FAM184B: variants seen among roughly 807,000 people sequenced by gnomAD.
The protein encoded by FAM184B is protein FAM184B.
Under a neutral mutation model 135.9 loss-of-function variants are expected in FAM184B, and 111 were observed. The observed-to-expected ratio is 0.82, with a 90% CI of 0.70 to 0.96. The LOEUF (loss-of-function observed/expected upper bound fraction) is 0.96. Ranked by LOEUF, FAM184B falls within the 40% of genes least tolerant of loss-of-function variation. The pLI is 0.00. For missense variants in FAM184B, 1,375 were observed against 1,323.9 expected (o/e 1.04, Z -0.60); for synonymous variants, 552 against 524.8 (o/e 1.05, Z -0.71).
At chr4:17,718,167 C>T (rs1040391319) in intron 1 of FAM184B, among the ~76,000 whole-genome samples, 2 of 152,098 alleles carry the variant, frequency 1.3e-5, no homozygotes, top group Non-Finnish European at 2.9e-5. Flanking sequence ...ACCAAAAACC[C>T]TTCACAGCAC....
intron 1 of FAM184B, among the ~76,000 whole-genome samples, chr4:17,730,099 C>T (rs1224903161): frequency 2.6e-5 from 4 of 152,014 alleles, no homozygotes; most frequent in Non-Finnish European, 5.9e-5. Flanking sequence ...AGCCAAGGCT[C>T]GAGAATTACT....
chr4:17,747,920 C>CAAAA (rs71167333), intron 1 of FAM184B, among the ~76,000 whole-genome samples: 380 of 21,696 alleles, frequency 0.018, 53 homozygotes, highest in African/African-American at 0.024. Flanking sequence ...GACTCTGTCT[C>CAAAA]AAAAAAAAAA....
intron 2 of FAM184B, 98 bp downstream of exon 2, chr4:17,708,794 G>T: frequency 7.5e-7 from 1 of 1,331,034 alleles, no homozygotes; most frequent in Non-Finnish European, 9.9e-7. Context: ...CTCCGTAGAA[G>T]GCAAGTGCTT....
intron 1 of FAM184B, among the ~76,000 whole-genome samples, chr4:17,770,044 A>G (rs990920637): frequency 6.6e-6 from 1 of 152,222 alleles, no homozygotes; most frequent in Non-Finnish European, 1.5e-5. Flanking sequence ...CAAGCTTGGC[A>G]CAGGAGAAGA....
chr4:17,730,735 T>G (rs969293061), intron 1 of FAM184B, among the ~76,000 whole-genome samples: 20 of 152,108 alleles, frequency 1.3e-4, no homozygotes, highest in Admixed American at 8.5e-4. Context: ...AAGCTGGATG[T>G]GGAATGACTT....
chr4:17,746,687 G>T (rs1385889990), intron 1 of FAM184B, among the ~76,000 whole-genome samples: 1 of 148,698 alleles, frequency 6.7e-6, no homozygotes, highest in African/African-American at 2.5e-5. Flanking sequence ...AGCTGAGATC[G>T]TGCCACTGCA....
intron 1 of FAM184B, among the ~76,000 whole-genome samples, chr4:17,766,469 G>A (rs1694913156): frequency 1.3e-5 from 2 of 151,954 alleles, no homozygotes; most frequent in African/African-American, 4.8e-5. Flanking sequence ...AGTGCTGATT[G>A]GTGCATTTAC....
chr4:17,727,530 T>C (rs1472496063), intron 1 of FAM184B, among the ~76,000 whole-genome samples: 1 of 152,156 alleles, frequency 6.6e-6, no homozygotes, highest in East Asian at 1.9e-4. Flanking sequence ...TGGGGAGGCC[T>C]CAGGAAACTT....
rs909809291 is a variant in FAM184B at position 17,688,402 on chromosome 4, A to G, written c.1596+22T>C. On this transcript the variant is annotated intron_variant, in intron 7 of 17. Coordinates refer to ENST00000265018, the MANE Select transcript of FAM184B (RefSeq NM_015688.2). ...CGAGAAAAGAAATATCTTTAATTAAATCTGACAAAGCTGGAGGTTACCTGG... is the reference window on the plus strand; with the variant it reads ...CGAGAAAAGAAATATCTTTAATTAAGTCTGACAAAGCTGGAGGTTACCTGG... 5 of 1,517,000 alleles carry G rather than the reference A, an allele frequency of 3.3e-6. No individual in the cohort carries two copies. The African/African-American group carries it at 7.0e-5, about 21-fold the overall frequency. 94.0% of individuals were successfully genotyped at this position (1,517,000 alleles called of 1,614,324 possible).
In FAM184B at chr4:17,688,680, C is replaced by CTTTTTTT. The variant is rs34337003; in HGVS notation, c.1489-156_1489-150dup. ...ATTCTACACACACTTCTAGAAATGC[C>CTTTTTTT]TTTTTTTTTTTTTTTTTTTTTTTTT... On this transcript the variant is annotated intron_variant, in intron 6 of 17. Coordinates refer to ENST00000265018, the MANE Select transcript of FAM184B (RefSeq NM_015688.2). 30 of 117,944 alleles carry CTTTTTTT rather than the reference C, an allele frequency of 2.5e-4. 1 individual carries two copies. Among genetic ancestry groups the CTTTTTTT allele is most frequent in the South Asian group, 1.2e-3 (8 of 6,756 alleles). 7.3% of individuals were successfully genotyped at this position (117,944 alleles called of 1,614,324 possible). A position where few individuals can be genotyped will look rare whatever the true frequency, so the allele number is the denominator to read the frequency against.
intron 7 of FAM184B, among the ~76,000 whole-genome samples, chr4:17,668,054 G>A (rs553492040): frequency 2.6e-5 from 4 of 152,318 alleles, no homozygotes; most frequent in South Asian, 2.1e-4. Flanking sequence ...GTCTAGCTCC[G>A]TGATGAAGGA....
At chr4:17,638,481 C>A (rs1715214509) in intron 14 of FAM184B, among the ~76,000 whole-genome samples, 1 of 152,006 alleles carries the variant, frequency 6.6e-6, no homozygotes, top group South Asian at 2.1e-4. Context: ...GGATTACAGG[C>A]ATGAGCCACC....
At chr4:17,647,360 C>T (rs755475990) in intron 12 of FAM184B, among the ~76,000 whole-genome samples, 78 of 151,574 alleles carry the variant, frequency 5.1e-4, no homozygotes, top group Non-Finnish European at 9.1e-4. Context: ...AAGTGATCCT[C>T]CTGCCTCAGA....
chr4:17,760,323 C>A (rs1458780216), intron 1 of FAM184B, among the ~76,000 whole-genome samples: 1 of 151,840 alleles, frequency 6.6e-6, no homozygotes, highest in Non-Finnish European at 1.5e-5. Context: ...AATTAGCTGG[C>A]ATTGGTGGCG....
intron 3 of FAM184B, among the ~76,000 whole-genome samples, chr4:17,707,177 C>T (rs774360972): frequency 6.6e-6 from 1 of 152,072 alleles, no homozygotes; most frequent in African/African-American, 2.4e-5. Context: ...GCTGAAGTAG[C>T]CCTCCCTCCT....
chr4:17,755,722 G>A (rs1577290935), intron 1 of FAM184B, among the ~76,000 whole-genome samples: 1 of 152,182 alleles, frequency 6.6e-6, no homozygotes, highest in African/African-American at 2.4e-5. Flanking sequence ...AAAATACTAT[G>A]CAGCCATAAA....
chr4:17,649,646 A>C (rs1400324379), intron 11 of FAM184B, among the ~76,000 whole-genome samples: 1 of 150,560 alleles, frequency 6.6e-6, no homozygotes, highest in African/African-American at 2.5e-5. Flanking sequence ...AGTGATTTCT[A>C]TAGCTTATTT....
chr4:17,705,958 G>C, intron 3 of FAM184B, 67 bp from the exon 4 acceptor site: 1 of 1,538,232 alleles, frequency 6.5e-7, no homozygotes, highest in African/African-American at 1.4e-5. Flanking sequence ...AAGGCTTTCT[G>C]CTGTCAGGCC....
intron 14 of FAM184B, 115 bp from the exon 15 acceptor site, chr4:17,636,760 C>G (rs913270988): frequency 5.9e-5 from 51 of 860,760 alleles, no homozygotes; most frequent in African/African-American, 8.6e-5. Context: ...CAGGGAGGCC[C>G]AGATAGCAGC....
Sources: allele counts gnomAD v4.1 joint callset (sites outside exome capture counted in the v4.1 genomes callset), GRCh38; gene constraint gnomAD v4.1.1; transcripts MANE v1.5; gene names NCBI Gene and HGNC (gene_info 2026-07-23, HGNC 2026-07-21).